Variants in C1QTNF9 observed in about 807,000 individuals in gnomAD.
The protein encoded by C1QTNF9 is complement C1q and tumor necrosis factor-related protein 9A.
In C1QTNF9, 6 loss-of-function variants were observed where a neutral mutation model predicts 10.1. That is an observed-to-expected ratio of 0.59 (90% CI 0.32 to 1.17). The LOEUF (loss-of-function observed/expected upper bound fraction) is 1.17. C1QTNF9 is among the 50% of genes most tolerant of loss of function. C1QTNF9 has a pLI of 0.04. For synonymous variants in C1QTNF9, 98 were observed against 163.5 expected (o/e 0.60, Z 3.06); for missense variants, 201 against 418.8 (o/e 0.48, Z 4.54).
At chr13:24,318,020 C>T (rs1878107468) in intron 2 of C1QTNF9, among the ~76,000 whole-genome samples, 1 of 152,168 alleles carries the variant, frequency 6.6e-6, no homozygotes, top group African/African-American at 2.4e-5. Context: ...GACCTGCAAG[C>T]CGGCCCAGCC....
upstream of C1QTNF9, among the ~76,000 whole-genome samples, chr13:24,308,734 GCTCCTGCTCTTTGCGTGGC>G (rs1382776715): frequency 6.6e-6 from 1 of 152,008 alleles, no homozygotes; most frequent in Non-Finnish European, 1.5e-5. Context: ...CCCGGCCTCT[GCTCCTGCTCTTTGCGTGGC>G]CTCCTGCTCT....
rs577311775 is a variant in C1QTNF9, at chr13:24,316,472, C to T, written c.166+303C>T. 5.9e-5 allele frequency among the ~76,000 whole-genome samples: 9 copies of T among 152,292 alleles called. No individual in the cohort carries two copies. In the East Asian group the frequency reaches 1.7e-3, roughly 29 times the overall value. On this transcript the variant is annotated intron_variant, in intron 2 of 3. Transcript: ENST00000332018. ...CATCTCTGACACCGCAGAACATTTTCAGTAGTATACGATGTCATGGATCCT... is the reference window on the plus strand; with the variant it reads ...CATCTCTGACACCGCAGAACATTTTTAGTAGTATACGATGTCATGGATCCT...
intron 2 of C1QTNF9, among the ~76,000 whole-genome samples, chr13:24,318,240 A>G (rs1878116100): frequency 6.6e-6 from 1 of 152,162 alleles, no homozygotes; most frequent in Non-Finnish European, 1.5e-5. Flanking sequence ...TAGTCAGCAG[A>G]GCCCCACTCA....
upstream of C1QTNF9, among the ~76,000 whole-genome samples, chr13:24,309,306 T>TA (rs1555279700): frequency 1.5e-5 from 2 of 134,022 alleles, no homozygotes; most frequent in African/African-American, 5.9e-5. Context: ...TATATATATA[T>TA]ATGAAAGAAA....
intron 3 of C1QTNF9, 105 bp from the exon 4 acceptor site, chr13:24,320,891 G>A (rs1878227209): frequency 4.9e-6 from 6 of 1,223,738 alleles, no homozygotes; most frequent in African/African-American, 1.5e-5. Flanking sequence ...TACTGAACCT[G>A]TGCACTACTT....
At chr13:24,316,246 GA>G in intron 2 of C1QTNF9, 77 bp downstream of exon 2, 1 of 1,529,658 alleles carries the variant, frequency 6.5e-7, no homozygotes, top group Non-Finnish European at 8.9e-7. Flanking sequence ...TCATCTGTGT[GA>G]TTTTCCACCT....
chr13:24,315,032 G>T (rs1207482144), intron 1 of C1QTNF9, among the ~76,000 whole-genome samples: 4 of 152,014 alleles, frequency 2.6e-5, no homozygotes, highest in Admixed American at 2.6e-4. Flanking sequence ...ATTGTTTAAT[G>T]TGGTAAAAAA....
chr13:24,313,100 C>A (rs948557958), intron 1 of C1QTNF9, among the ~76,000 whole-genome samples: 4 of 152,098 alleles, frequency 2.6e-5, no homozygotes, highest in African/African-American at 9.7e-5. Context: ...GAGACTGTAT[C>A]TCTATAAACA....
At position 24,316,136 on chromosome 13, in the gene C1QTNF9, C is replaced by T. The variant is rs542996315; in HGVS notation, c.133C>T (p.Arg45Ter). ...CAATGGTCTGCCTGGAAGAGATGGA[C>T]GAGACGGAGCGAAGGGTGACAAAGG... Residue 45 changes from arginine (R) to a stop codon, truncating the protein, a stop_gained, in exon 2 of 4, where the codon CGA (arginine) becomes TGA (stop). Coordinates refer to ENST00000332018, the Ensembl canonical transcript of C1QTNF9. LOFTEE classifies it high-confidence loss of function. 49 of 1,609,046 alleles carry T rather than the reference C, an allele frequency of 3.0e-5. No homozygotes were observed. In the African/African-American group the frequency reaches 3.9e-4, roughly 13 times the overall value.
chr13:24,315,111 C>A (rs958944048), intron 1 of C1QTNF9, among the ~76,000 whole-genome samples: 2 of 152,134 alleles, frequency 1.3e-5, no homozygotes, highest in Admixed American at 1.3e-4. Flanking sequence ...GCATTATGTA[C>A]GTTCTCTTTG....
chr13:24,311,878 C>A (rs12428411), intron 1 of C1QTNF9, among the ~76,000 whole-genome samples: 10 of 152,016 alleles, frequency 6.6e-5, no homozygotes, highest in South Asian at 2.1e-4. Context: ...GCACACCCCC[C>A]CACAGGAAGC....
At chr13:24,316,640 G>A (rs906391106) in intron 2 of C1QTNF9, among the ~76,000 whole-genome samples, 1 of 152,166 alleles carries the variant, frequency 6.6e-6, no homozygotes, top group African/African-American at 2.4e-5. Context: ...CAGGAGATGC[G>A]GAGTGACAGA....
chr13:24,321,583 A>G lies in C1QTNF9; in HGVS notation c.817A>G (p.Ile273Val), dbSNP rs374002839. The change falls in exon 4 of 4, where the codon ATA (isoleucine) becomes GTA (valine). Residue 273 changes from isoleucine to valine, a missense_variant. Around this residue, in one of 3 missense-constraint regions of C1QTNF9, gnomAD observed 86 missense variants for 87.0 expected, o/e 0.99. Coordinates refer to ENST00000332018, the Ensembl canonical transcript of C1QTNF9. ...GTCTTTGGTCAAAAATGGAGTAAAA[A>G]TACTGCACACCAAAGATGCTTACAT... is the stretch of plus-strand genomic sequence containing the variant. The G allele has an allele frequency of 2.4e-5, 38 of 1,614,080 alleles. No homozygotes were observed. In the African/African-American group the frequency reaches 3.7e-4, roughly 16 times the overall value.
rs558794008 is a variant in C1QTNF9 at position 24,318,191 on chromosome 13, A to C, written c.167-627A>C. 2.9e-3 allele frequency among the ~76,000 whole-genome samples: 436 copies of C among 152,204 alleles called. 2 individuals carry two copies. Among genetic ancestry groups the C allele is most frequent in the Non-Finnish European group, 3.2e-3 (215 of 68,002 alleles). ...GCTGACGGATAGCACGCCGACCTGGAGCTCAGGGGGGCCTGTTCTGAGCAC... is the reference window on the plus strand; with the variant it reads ...GCTGACGGATAGCACGCCGACCTGGCGCTCAGGGGGGCCTGTTCTGAGCAC... On this transcript the variant is annotated intron_variant, in intron 2 of 3. Transcript: ENST00000332018.
chr13:24,308,183 G>A (rs1248406915), upstream of C1QTNF9, among the ~76,000 whole-genome samples: 1 of 152,252 alleles, frequency 6.6e-6, no homozygotes, highest in Non-Finnish European at 1.5e-5. Flanking sequence ...AGAGGTCCAG[G>A]CCGGCAGGCT....
At chr13:24,311,740 C>A (rs546334914) in intron 1 of C1QTNF9, among the ~76,000 whole-genome samples, 1 of 152,348 alleles carries the variant, frequency 6.6e-6, no homozygotes, top group East Asian at 1.9e-4. Flanking sequence ...AAGTCTATTT[C>A]TGTTTCATAT....
rs563501169 is a variant in C1QTNF9, at chr13:24,317,859, G to A, written c.167-959G>A. Among the ~76,000 whole-genome samples the A allele has an allele frequency of 9.9e-5, 15 of 151,816 alleles. No homozygotes were observed. In the South Asian group the frequency reaches 2.1e-3, roughly 21 times the overall value. ...GAGCAGCCAGTGGAGGGGAGGGGAGGGGAGGGGAGCGCAGGGAGGGGCAAA... is the reference window on the plus strand; with the variant it reads ...GAGCAGCCAGTGGAGGGGAGGGGAGAGGAGGGGAGCGCAGGGAGGGGCAAA... On this transcript the variant is annotated intron_variant, in intron 2 of 3. Coordinates refer to ENST00000332018, the Ensembl canonical transcript of C1QTNF9.
intron 1 of C1QTNF9, among the ~76,000 whole-genome samples, chr13:24,314,683 CA>C (rs1234203659): frequency 6.6e-6 from 1 of 151,932 alleles, no homozygotes; most frequent in East Asian, 1.9e-4. Flanking sequence ...GAAAACAAAA[CA>C]AAACAAAACC....
upstream of C1QTNF9, among the ~76,000 whole-genome samples, chr13:24,307,603 A>ACCTGCTTC (rs1402932588): frequency 1.3e-5 from 2 of 152,266 alleles, no homozygotes; most frequent in African/African-American, 4.8e-5. Context: ...CTTAATATCC[A>ACCTGCTTC]CCTGCTTCCC....
Sources: allele counts gnomAD v4.1 joint callset (sites outside exome capture counted in the v4.1 genomes callset), GRCh38; gene constraint gnomAD v4.1.1; regional missense constraint gnomAD v4.1.1; transcripts MANE v1.5; gene names NCBI Gene and HGNC (gene_info 2026-07-23, HGNC 2026-07-21).